COX15: variants seen among roughly 807,000 people sequenced by gnomAD.
COX15 encodes the protein heme A synthase COX15.
Under a neutral mutation model 51.9 loss-of-function variants are expected in COX15, and 51 were observed. That is an observed-to-expected ratio of 0.98 (90% confidence interval 0.78 to 1.24). The LOEUF (loss-of-function observed/expected upper bound fraction) is 1.24, where lower values mean the gene tolerates loss of function less well. Among genes scored for constraint, COX15 ranks in the 50% most tolerant of loss-of-function variants. The pLI is 0.00. For synonymous variants in COX15, 188 were observed against 190.5 expected (o/e 0.99, Z 0.11); for missense variants, 420 against 501.1 (o/e 0.84, Z 1.55).
At chr10:99,731,829 T>A in intron 1 of COX15, 131 bp downstream of exon 1, 2 of 1,183,434 alleles carry the variant, frequency 1.7e-6, no homozygotes, top group Admixed American at 2.0e-5. Flanking sequence ...GGGGCTCTGA[T>A]CTGAACCTAT....
At chr10:99,718,277 T>C in intron 7 of COX15, 69 bp downstream of exon 7, 2 of 1,549,550 alleles carry the variant, frequency 1.3e-6, no homozygotes, top group South Asian at 2.2e-5. Context: ...CCATCAGTGC[T>C]TCACTGACAC....
chr10:99,722,599 G>A (rs896222993), intron 5 of COX15, among the ~76,000 whole-genome samples: 3 of 152,066 alleles, frequency 2.0e-5, no homozygotes, highest in Non-Finnish European at 2.9e-5. Flanking sequence ...TTGGGAGGCC[G>A]AGGCGGGTGG....
Position 99,711,021 on chromosome 10 carries a change from G to T in COX15, c.*3566C>A, listed in dbSNP as rs752667154. ...AAAAAGGTATTTGGAACATCAATCT[G>T]TAATTATCCATTTTCCATTCATGCA... is the stretch of plus-strand genomic sequence containing the variant. On this transcript the variant is annotated 3_prime_UTR_variant, in exon 9 of 9. Transcript: ENST00000016171. 2.0e-6 allele frequency: 2 copies of T among 985,078 alleles called. No individual in the cohort carries two copies. The highest frequency in any genetic ancestry group is 2.4e-6 in the Non-Finnish European group (2 of 829,728). The allele number at this position is 985,078 out of a possible 1,614,324, so 61.0% of individuals were successfully genotyped here. A position where few individuals can be genotyped will look rare whatever the true frequency, so the allele number is the denominator to read the frequency against.
rs1310426859 is a variant in COX15 at position 99,729,635 on chromosome 10, C to T, written c.190G>A (p.Ala64Thr). Residue 64 changes from alanine to threonine, a missense_variant, in exon 2 of 9, where the codon GCT becomes ACT. Coordinates refer to ENST00000016171, the MANE Select transcript of COX15 (RefSeq NM_078470.6). ...CATCGGCCCACCACCCGCTCAGCAGCCTTTGAGGGAAGGGACACTGTACCC... is the reference window on the plus strand; with the variant it reads ...CATCGGCCCACCACCCGCTCAGCAGTCTTTGAGGGAAGGGACACTGTACCC... ...GRGTVSLPSK[A>T]AERVVGRWLL... The T allele has an allele frequency of 6.2e-7, 1 of 1,613,974 alleles. No homozygotes were observed. Among genetic ancestry groups the T allele is most frequent in the African/African-American group, 1.3e-5 (1 of 74,910 alleles).
rs957940064 is a variant in COX15, at chr10:99,712,717, G to A, written c.*1870C>T. 4.6e-6 allele frequency: 3 copies of A among 654,276 alleles called. No individual in the cohort carries two copies. The highest frequency in any genetic ancestry group is 1.4e-4 in the East Asian group (1 of 7,348). The allele number at this position is 654,276 out of a possible 1,614,324, so 40.5% of individuals were successfully genotyped here. A position where few individuals can be genotyped will look rare whatever the true frequency, so the allele number is the denominator to read the frequency against. ...AGACCAGAACTCAGCAGTATAGTCC[G>A]AGCTGGGGCACCTGCTCGCCAGTGT... On this transcript the variant is annotated 3_prime_UTR_variant, in exon 9 of 9. Coordinates refer to ENST00000016171, the MANE Select transcript of COX15 (RefSeq NM_078470.6).
At chr10:99,699,597 C>T in the COX15 span, among the ~76,000 whole-genome samples, 2 of 152,290 alleles carry the variant, frequency 1.3e-5, no homozygotes, top group Non-Finnish European at 2.9e-5. Flanking sequence ...TGGGGTCTCG[C>T]TCTGTAGCCC....
chr10:99,699,377 A>G, the COX15 span, among the ~76,000 whole-genome samples: 2 of 152,346 alleles, frequency 1.3e-5, no homozygotes, highest in South Asian at 4.1e-4. Context: ...GATTTAAAAT[A>G]GAGGAGTAAA....
At chr10:99,709,548 T>C (rs1448243978), downstream of COX15, 2 of 983,238 alleles carry the variant, frequency 2.0e-6, no homozygotes, top group East Asian at 2.3e-4. Flanking sequence ...AATAATATTT[T>C]GATTAATACT....
downstream of COX15, chr10:99,709,537 CAAT>C (rs1034970922): frequency 1.4e-5 from 14 of 982,378 alleles, no homozygotes; most frequent in African/African-American, 3.5e-5. Context: ...GATTATTAGT[CAAT>C]AATATTTTGA....
At chr10:99,695,938 C>T in the COX15 span, 11 of 1,577,702 alleles carry the variant, frequency 7.0e-6, no homozygotes, top group Admixed American at 7.7e-5. Flanking sequence ...CCCTTTTTCT[C>T]TTGGTATTGT....
rs1285175876 is a variant in COX15 at position 99,726,940 on chromosome 10, T to C, written c.582+28A>G. ...ACTAGGAAGCTCCTGGGAGCATTTC[T>C]GGTTTCTCAACCTTGAATAAATCTT... On this transcript the variant is annotated intron_variant, in intron 4 of 8. Transcript: ENST00000016171. 5 of 1,603,824 alleles carry C rather than the reference T, an allele frequency of 3.1e-6. No individual in the cohort carries two copies. In the Admixed American group the frequency reaches 8.4e-5, roughly 27 times the overall value.
At chr10:99,708,188 C>G (rs953782354), downstream of COX15, among the ~76,000 whole-genome samples, 1 of 151,840 alleles carries the variant, frequency 6.6e-6, no homozygotes, top group African/African-American at 2.4e-5. Flanking sequence ...CTAAGAGATT[C>G]CTTTAACTTC....
the COX15 span, chr10:99,698,666 T>C: frequency 3.1e-6 from 5 of 1,614,076 alleles, no homozygotes; most frequent in African/African-American, 1.3e-5. Flanking sequence ...ACTGGGTGTC[T>C]TGTGGGGCAA....
At chr10:99,698,793 T>C in the COX15 span, 10 of 1,614,092 alleles carry the variant, frequency 6.2e-6, no homozygotes, top group Non-Finnish European at 5.1e-6. Context: ...GTTTTTTTAT[T>C]GTACAGAGGA....
the COX15 span, chr10:99,698,843 T>G: frequency 6.2e-7 from 1 of 1,601,572 alleles, no homozygotes; most frequent in Non-Finnish European, 8.5e-7. Context: ...GGCCAACATT[T>G]GCCAAGGCTG....
At chr10:99,705,668 G>T in the COX15 span, 1 of 152,190 alleles carries the variant, frequency 6.6e-6, no homozygotes, top group South Asian at 2.1e-4. Flanking sequence ...AGTGGGCAAA[G>T]GCAATAAAAT....
At chr10:99,701,612 G>A in the COX15 span, among the ~76,000 whole-genome samples, 2 of 151,558 alleles carry the variant, frequency 1.3e-5, no homozygotes, top group Non-Finnish European at 2.9e-5. Context: ...TTTTAACTTT[G>A]TATTATAGAT....
chr10:99,726,916 C>G (rs1232030579), intron 4 of COX15, 52 bp downstream of exon 4: 9 of 1,094,052 alleles, frequency 8.2e-6, no homozygotes, highest in Non-Finnish European at 1.2e-5. Flanking sequence ...ACAATGCCAA[C>G]TAGGAAGCTC....
chr10:99,702,478 C>G, the COX15 span: 5 of 1,501,418 alleles, frequency 3.3e-6, no homozygotes, highest in South Asian at 1.3e-5. Context: ...ATTCTTTTCT[C>G]TTTTTTTAAA....
Sources: gnomAD v4.1 joint callset for allele counts (sites outside exome capture counted in the v4.1 genomes callset) on GRCh38, gnomAD v4.1.1 for gene constraint, MANE v1.5 for transcripts, NCBI Gene and HGNC (gene_info 2026-07-23, HGNC 2026-07-21) for gene names.